Variants in TSPAN9 observed in about 807,000 individuals in gnomAD.
TSPAN9 encodes tetraspanin 9, also known as tetraspanin-9.
TSPAN9 carries 16 observed loss-of-function variants against 31.0 expected under a neutral mutation model. The observed-to-expected ratio is 0.52, with a 90% CI of 0.35 to 0.78. The LOEUF is 0.78. Ranked by LOEUF, TSPAN9 falls within the 30% of genes least tolerant of loss-of-function variation. The pLI is 0.01. For synonymous variants in TSPAN9, 145 were observed against 121.6 expected, an observed-to-expected ratio of 1.19 and a Z score of -1.27; for missense variants, 272 against 312.5, an observed-to-expected ratio of 0.87 and a Z score of 0.98.
rs61154605 is a variant in TSPAN9, at chr12:3,094,847, C to CTTTT, written c.-18+11147_-18+11150dup. On this transcript the variant is annotated intron_variant, in intron 2 of 8. Transcript: ENST00000011898. ...AACACGCCCGGCAAAAATCAATAATCTTTTTTTTTTTTTTTTTTTTTTGTT... is the reference window on the plus strand; with the variant it reads ...AACACGCCCGGCAAAAATCAATAATCTTTTTTTTTTTTTTTTTTTTTTTTTTGTT... Among the ~76,000 whole-genome samples the CTTTT allele has an allele frequency of 3.0e-3, 308 of 101,858 alleles. 1 individual carries two copies. The highest frequency in any genetic ancestry group is 4.8e-3 in the Non-Finnish European group (244 of 50,806). 66.8% of individuals were successfully genotyped at this position (101,858 alleles called of 152,430 possible).
rs1565610497 is a variant in TSPAN9 at position 3,198,676 on chromosome 12, CCACCACCAGCACAGGT to C, written c.-17-2485_-17-2470del. On this transcript the variant is annotated intron_variant, in intron 2 of 8. Transcript: ENST00000011898. Reference sequence around the variant, plus strand: ...CAGCACAGCTCACCACCAGCACAGGCCACCACCAGCACAGGTCACCACCAGCACAGGCCACCACCAG... The same window carrying C: ...CAGCACAGCTCACCACCAGCACAGGCCACCACCAGCACAGGCCACCACCAG... Among the ~76,000 whole-genome samples, 164 of 77,462 alleles carry C rather than the reference CCACCACCAGCACAGGT, an allele frequency of 2.1e-3. 21 individuals are homozygous for C. The highest frequency in any genetic ancestry group is 2.6e-3 in the Non-Finnish European group (108 of 40,924). The allele number at this position is 77,462 out of a possible 152,430, so 50.8% of individuals were successfully genotyped here.
At position 3,168,725 on chromosome 12, in the gene TSPAN9, C is replaced by G. The variant is rs986127342; in HGVS notation, c.-17-32452C>G. Among the ~76,000 whole-genome samples, 29 of 152,270 alleles carry G rather than the reference C, an allele frequency of 1.9e-4. No homozygotes were observed. The highest frequency in any genetic ancestry group is 6.7e-4 in the African/African-American group (28 of 41,554). Reference sequence around the variant, plus strand: ...GATTTGATAAATCTTAATTCTCTTCCCAGACCAGGTCCTGTCTCTCTGGGA... The same window carrying G: ...GATTTGATAAATCTTAATTCTCTTCGCAGACCAGGTCCTGTCTCTCTGGGA... On this transcript the variant is annotated intron_variant, in intron 2 of 8. Coordinates refer to ENST00000011898, the MANE Select transcript of TSPAN9 (RefSeq NM_006675.5). This position sits in a 1 kb window ranked among gnomAD's most constrained non-coding sequence, Gnocchi z 4.0.
intron 2 of TSPAN9, among the ~76,000 whole-genome samples, chr12:3,132,392 G>A (rs1290352691): frequency 6.6e-6 from 1 of 152,016 alleles, no homozygotes; most frequent in Non-Finnish European, 1.5e-5. Context: ...TGCCGGCAAC[G>A]CATGAGGGTT....
intron 3 of TSPAN9, among the ~76,000 whole-genome samples, chr12:3,230,889 C>T (rs1165068282): frequency 2.0e-5 from 3 of 152,244 alleles, no homozygotes; most frequent in Admixed American, 6.5e-5. Flanking sequence ...CCTCCTTGAT[C>T]CCCATCTGGA....
rs569134528 is a variant in TSPAN9, at chr12:3,262,197, T to C, written c.64-16224T>C. On this transcript the variant is annotated intron_variant, in intron 3 of 8. Transcript: ENST00000011898. ...TGTTTGTTTGTGGGTGTCTGTTTTGTGGGTGCCTGGAGGCAGCACCCTAAA... is the reference window on the plus strand; with the variant it reads ...TGTTTGTTTGTGGGTGTCTGTTTTGCGGGTGCCTGGAGGCAGCACCCTAAA... Among the ~76,000 whole-genome samples, 14 of 152,346 alleles carry C rather than the reference T, an allele frequency of 9.2e-5. 3 individuals are homozygous for C. Among genetic ancestry groups the C allele is most frequent in the African/African-American group, 3.1e-4 (13 of 41,588 alleles).
At chr12:3,209,971 A>C (rs1444370882) in intron 3 of TSPAN9, among the ~76,000 whole-genome samples, 2 of 75,778 alleles carry the variant, frequency 2.6e-5, no homozygotes, top group African/African-American at 1.0e-4. Flanking sequence ...AAAAAAAAAA[A>C]AAAAAAAAAA....
At chr12:3,232,976 C>T (rs2098391576) in intron 3 of TSPAN9, among the ~76,000 whole-genome samples, 1 of 152,232 alleles carries the variant, frequency 6.6e-6, no homozygotes, top group Admixed American at 6.5e-5. Context: ...ACAGCTGTCC[C>T]ACCTGTCCAG....
chr12:3,227,690 C>T lies in TSPAN9; in HGVS notation c.63+26434C>T, dbSNP rs192144653. 3.3e-5 allele frequency among the ~76,000 whole-genome samples: 5 copies of T among 152,308 alleles called. No homozygotes were observed. In the East Asian group the frequency reaches 9.7e-4, roughly 29 times the overall value. On this transcript the variant is annotated intron_variant, in intron 3 of 8. Transcript: ENST00000011898. Reference sequence around the variant, plus strand: ...GGACTCACACTCCATCTCCACTGGCCTCTGGCTCTTCCAGTCGGGCCACGT... The same window carrying T: ...GGACTCACACTCCATCTCCACTGGCTTCTGGCTCTTCCAGTCGGGCCACGT...
chr12:3,222,293 A>G (rs957081985), intron 3 of TSPAN9, among the ~76,000 whole-genome samples: 1 of 152,186 alleles, frequency 6.6e-6, no homozygotes, highest in Admixed American at 6.5e-5. Flanking sequence ...TCCGTCACAG[A>G]TGAGGCCTGG....
intron 2 of TSPAN9, among the ~76,000 whole-genome samples, chr12:3,137,072 G>A (rs2098332478): frequency 6.6e-6 from 1 of 152,246 alleles, no homozygotes. Context: ...GCAGGGGACT[G>A]CGGCCGGGAC....
chr12:3,264,987 A>G (rs950397492), intron 3 of TSPAN9, among the ~76,000 whole-genome samples: 2 of 152,154 alleles, frequency 1.3e-5, no homozygotes, highest in South Asian at 2.1e-4. Context: ...CCATTGTCCT[A>G]TCTCACACTG....
At chr12:3,197,583 A>T (rs2098367695) in intron 2 of TSPAN9, among the ~76,000 whole-genome samples, 1 of 152,008 alleles carries the variant, frequency 6.6e-6, no homozygotes, top group Admixed American at 6.5e-5. Context: ...GGAGAGCTCC[A>T]CTCAGAATGG....
chr12:3,139,495 C>A (rs2098333733), intron 2 of TSPAN9, among the ~76,000 whole-genome samples: 1 of 152,246 alleles, frequency 6.6e-6, no homozygotes, highest in East Asian at 1.9e-4. Context: ...TCTGCTCCTT[C>A]TTGACCTGGC....
intron 2 of TSPAN9, among the ~76,000 whole-genome samples, chr12:3,152,577 C>T (rs2098340349): frequency 6.6e-6 from 1 of 151,052 alleles, no homozygotes; most frequent in South Asian, 2.1e-4. Context: ...TCGTCAGAGC[C>T]CCGTTCTTTT....
chr12:3,268,729 C>T (rs1442265683), intron 3 of TSPAN9, among the ~76,000 whole-genome samples: 56 of 61,912 alleles, frequency 9.0e-4, no homozygotes, highest in Middle Eastern at 0.019. Flanking sequence ...GCCTGCCCTC[C>T]CTGTGTTCCT....
At chr12:3,079,195 T>C (rs2153961250) in intron 1 of TSPAN9, among the ~76,000 whole-genome samples, 1 of 152,298 alleles carries the variant, frequency 6.6e-6, no homozygotes, top group African/African-American at 2.4e-5. Context: ...ACCAGGCTGG[T>C]CTTGAACTCC....
intron 1 of TSPAN9, among the ~76,000 whole-genome samples, chr12:3,081,756 A>G (rs1164486716): frequency 6.6e-6 from 1 of 151,674 alleles, no homozygotes; most frequent in Non-Finnish European, 1.5e-5. Flanking sequence ...ACTTGAGCCC[A>G]GGGATTTGAG....
At chr12:3,126,424 C>T (rs953164657) in intron 2 of TSPAN9, among the ~76,000 whole-genome samples, 1 of 152,178 alleles carries the variant, frequency 6.6e-6, no homozygotes, top group Admixed American at 6.5e-5. Context: ...ATACTGTAGG[C>T]AATTCTAACA....
intron 3 of TSPAN9, among the ~76,000 whole-genome samples, chr12:3,202,017 C>T (rs1037686744): frequency 2.6e-5 from 4 of 152,192 alleles, no homozygotes; most frequent in Non-Finnish European, 5.9e-5. Flanking sequence ...AGCAGGGTGC[C>T]CCTGTCCTTG....
Sources: gnomAD v4.1 joint callset for allele counts (sites outside exome capture counted in the v4.1 genomes callset) on GRCh38, gnomAD v4.1.1 for gene constraint, Gnocchi (gnomAD v3.1) non-coding constraint, MANE v1.5 for transcripts, NCBI Gene and HGNC (gene_info 2026-07-23, HGNC 2026-07-21) for gene names.